TYW1: variants seen among roughly 807,000 people sequenced by gnomAD.
TYW1 encodes the protein tRNA-yW synthesizing protein 1 homolog.
In TYW1, 46 loss-of-function variants were observed where a neutral mutation model predicts 96.2. The ratio of observed to expected loss-of-function variants is 0.48; its 90% CI spans 0.38 to 0.61. TYW1 has a LOEUF of 0.61. Ranked by LOEUF, TYW1 falls within the 20% of genes least tolerant of loss-of-function variation. TYW1 has a pLI of 0.00. For missense variants in TYW1, 684 were observed against 909.6 expected (o/e 0.75, Z 3.19); for synonymous variants, 274 against 323.0 (o/e 0.85, Z 1.63).
At chr7:67,166,519 C>G (rs1178600566) in intron 13 of TYW1, among the ~76,000 whole-genome samples, 1 of 141,904 alleles carries the variant, frequency 7.0e-6, no homozygotes, top group Non-Finnish European at 1.5e-5. Context: ...CTTCAGAGTT[C>G]TCTCCTGGTC....
chr7:67,146,785 T>G (rs1222738508), intron 13 of TYW1, among the ~76,000 whole-genome samples: 1 of 152,216 alleles, frequency 6.6e-6, no homozygotes, highest in Non-Finnish European at 1.5e-5. Flanking sequence ...AGAAGCCTGA[T>G]TGTAGGTGAA....
chr7:67,162,530 A>C (rs1799193925), intron 13 of TYW1, among the ~76,000 whole-genome samples: 1 of 152,056 alleles, frequency 6.6e-6, no homozygotes, highest in South Asian at 2.1e-4. Context: ...ATTCCTTTAA[A>C]ATTTACTTTG....
intron 4 of TYW1, 146 bp from the exon 5 acceptor site, chr7:67,014,221 T>C: frequency 8.6e-7 from 1 of 1,157,766 alleles, no homozygotes; most frequent in Non-Finnish European, 1.2e-6. Flanking sequence ...TGTTTCTTAG[T>C]CATGCCCTTC....
chr7:67,131,186 T>G (rs563943015), intron 13 of TYW1, among the ~76,000 whole-genome samples: 10 of 151,888 alleles, frequency 6.6e-5, no homozygotes, highest in Non-Finnish European at 1.5e-4. Flanking sequence ...TGTGTGTAAT[T>G]TTGGGCAAGG....
At chr7:67,111,817 GATCCCGGCGTGGTGGCTCACACCCATA>G (rs1797414873) in intron 12 of TYW1, among the ~76,000 whole-genome samples, 1 of 152,026 alleles carries the variant, frequency 6.6e-6, no homozygotes, top group East Asian at 1.9e-4. Flanking sequence ...ATCAAAGAAA[GATCCCGGCGTGGTGGCTCACACCCATA>G]ATCCCAGCAC....
chr7:67,018,465 C>A (rs1794104163), intron 6 of TYW1, among the ~76,000 whole-genome samples: 1 of 151,868 alleles, frequency 6.6e-6, no homozygotes, highest in South Asian at 2.1e-4. Context: ...TGCTTGAGCC[C>A]AGGAGTTTGA....
rs758198410 is a variant in TYW1, at chr7:67,083,515, C to T, written c.1360C>T (p.Gln454Ter). Residue 454 changes from glutamine (Q) to a stop codon, truncating the protein, a stop_gained, in exon 11 of 16, where the codon CAG (glutamine) becomes TAG (stop). Coordinates refer to ENST00000359626, the MANE Select transcript of TYW1 (RefSeq NM_018264.4). LOFTEE classifies it high-confidence loss of function. ...MILKEAIENH[Q>*]NMIKQFKGVP... Reference sequence around the variant, plus strand: ...CTTGAAGGAAGCCATTGAAAACCATCAGAACATGATTAAGCAGTTTAAAGG... The same window carrying T: ...CTTGAAGGAAGCCATTGAAAACCATTAGAACATGATTAAGCAGTTTAAAGG... 9 of 1,614,112 alleles carry T rather than the reference C, an allele frequency of 5.6e-6. No individual in the cohort carries two copies. The Admixed American group carries it at 1.5e-4, about 27-fold the overall frequency.
At chr7:67,189,457 T>G (rs200179889) in intron 14 of TYW1, among the ~76,000 whole-genome samples, 2 of 116,750 alleles carry the variant, frequency 1.7e-5, no homozygotes, top group East Asian at 3.7e-4. Flanking sequence ...GTGTGTGTGT[T>G]TGTGTTTGTG....
chr7:67,009,640 A>G lies in TYW1; in HGVS notation c.331A>G (p.Ile111Val). ...VTSLDLPVAI[I>V]NLKEYDPDDH... ...ATCCCTGGATCTGCCTGTGGCCATT[A>G]TTAATCTAAAAGAATATGATCCAGA... is the stretch of plus-strand genomic sequence containing the variant. The change falls in exon 4 of 16, where the codon ATT (isoleucine) becomes GTT (valine). Residue 111 changes from isoleucine to valine, a missense_variant. Coordinates refer to ENST00000359626, the MANE Select transcript of TYW1 (RefSeq NM_018264.4). The G allele has an allele frequency of 6.2e-7, 1 of 1,612,422 alleles. No individual in the cohort carries two copies. Among genetic ancestry groups the G allele is most frequent in the Non-Finnish European group, 8.5e-7 (1 of 1,179,680 alleles).
chr7:67,212,727 T>C (rs2421426), intron 15 of TYW1, among the ~76,000 whole-genome samples: 58,547 of 151,810 alleles, frequency 0.39, 12,152 homozygotes, highest in African/African-American at 0.54. Context: ...AGTGGCATAT[T>C]GCTGTTGCTT....
At chr7:67,062,577 A>AAAAAAAAAG (rs773963932) in intron 9 of TYW1, among the ~76,000 whole-genome samples, 7 of 147,116 alleles carry the variant, frequency 4.8e-5, no homozygotes, top group Non-Finnish European at 1.1e-4. Flanking sequence ...AAAAAAAAAA[A>AAAAAAAAAG]AAAAGAAAAG....
chr7:67,120,929 C>T (rs1242615767), intron 13 of TYW1, among the ~76,000 whole-genome samples: 1 of 152,154 alleles, frequency 6.6e-6, no homozygotes, highest in African/African-American at 2.4e-5. Context: ...CTATGTAATT[C>T]TTGTTGGAAT....
chr7:67,171,912 T>C (rs193100885), intron 13 of TYW1, among the ~76,000 whole-genome samples: 1 of 152,290 alleles, frequency 6.6e-6, no homozygotes, highest in East Asian at 1.9e-4. Context: ...GCAGTCAGTA[T>C]TCATGATTTA....
At chr7:67,215,778 C>T (rs1463110631) in intron 15 of TYW1, among the ~76,000 whole-genome samples, 4 of 152,088 alleles carry the variant, frequency 2.6e-5, no homozygotes, top group East Asian at 1.9e-4. Context: ...ACTTGGAGTC[C>T]GATGTTCGAG....
intron 7 of TYW1, among the ~76,000 whole-genome samples, chr7:67,029,403 GTGTGTGTGTGTGTA>G (rs1562973525): frequency 2.6e-5 from 2 of 76,988 alleles, no homozygotes; most frequent in African/African-American, 5.1e-5. Flanking sequence ...GTGTGTGTGT[GTGTGTGTGTGTGTA>G]TATATATATA....
chr7:67,035,759 C>CCTCT (rs1308476455), intron 7 of TYW1, among the ~76,000 whole-genome samples: 1 of 152,074 alleles, frequency 6.6e-6, no homozygotes, highest in Non-Finnish European at 1.5e-5. Flanking sequence ...CTGACTGCAA[C>CCTCT]CTCTACCTTC....
chr7:67,131,915 C>T (rs1260547381), intron 13 of TYW1, among the ~76,000 whole-genome samples: 4 of 152,176 alleles, frequency 2.6e-5, no homozygotes, highest in Non-Finnish European at 5.9e-5. Context: ...GAAGACTCAG[C>T]CAGTCTAGTT....
At chr7:67,055,713 T>G (rs546019244) in intron 8 of TYW1, 122 bp from the exon 9 acceptor site, 268 of 585,004 alleles carry the variant, frequency 4.6e-4, no homozygotes, top group African/African-American at 4.4e-3. Context: ...TTTCCTGCCA[T>G]GGGTTGGTTG....
intron 15 of TYW1, among the ~76,000 whole-genome samples, chr7:67,236,538 C>T (rs986690949): frequency 1.1e-4 from 17 of 152,198 alleles, no homozygotes; most frequent in Admixed American, 9.2e-4. Context: ...CAGTGATTGC[C>T]TCCACAACAG....
Sources: allele counts gnomAD v4.1 joint callset (sites outside exome capture counted in the v4.1 genomes callset), GRCh38; gene constraint gnomAD v4.1.1; transcripts MANE v1.5; gene names NCBI Gene and HGNC (gene_info 2026-07-23, HGNC 2026-07-21).